The following ZDHHC15 variants were observed in gnomAD, a reference collection of about 807,000 sequenced individuals.
ZDHHC15 encodes palmitoyltransferase ZDHHC15.
Under a neutral mutation model 31.7 loss-of-function variants are expected in ZDHHC15, and 19 were observed. The observed-to-expected ratio is 0.60, with a 90% CI of 0.42 to 0.88. The LOEUF (loss-of-function observed/expected upper bound fraction) is 0.88. Ranked by LOEUF, ZDHHC15 falls within the 40% of genes least tolerant of loss-of-function variation. The pLI, the probability that ZDHHC15 is intolerant of heterozygous loss-of-function variation, is 0.00. For missense variants in ZDHHC15, 209 were observed against 251.2 expected, an observed-to-expected ratio of 0.83 and a Z score of 1.14; for synonymous variants, 103 against 90.0, an observed-to-expected ratio of 1.14 and a Z score of -0.82.
chrX:75,462,940 C>CA (rs1387635435), intron 3 of ZDHHC15, among the ~76,000 whole-genome samples: 2 of 110,379 alleles, frequency 1.8e-5, no homozygotes, highest in Non-Finnish European at 3.8e-5. Flanking sequence ...CTGAAGGAGA[C>CA]AGAGACATGA....
intron 2 of ZDHHC15, among the ~76,000 whole-genome samples, chrX:75,489,479 A>G (rs1172375467): frequency 8.9e-6 from 1 of 112,132 alleles, no homozygotes; most frequent in African/African-American, 3.2e-5. Flanking sequence ...CCAGGCAAAC[A>G]GGGTCTAGAG....
chrX:75,405,841 C>T (rs1159208328), intron 10 of ZDHHC15, among the ~76,000 whole-genome samples: 1 of 112,009 alleles, frequency 8.9e-6, no homozygotes. Flanking sequence ...TGGAACATTT[C>T]ACACAATTGC....
chrX:75,460,314 G>C lies in ZDHHC15; in HGVS notation c.259-9392C>G, dbSNP rs763511425. Reference sequence around the variant, plus strand: ...TGGGATGGAGCTTCCAGGGGGAGGGGTGGCTGTTATCTCTGTGGTGCAGTT... The same window carrying C: ...TGGGATGGAGCTTCCAGGGGGAGGGCTGGCTGTTATCTCTGTGGTGCAGTT... On this transcript the variant is annotated intron_variant, in intron 3 of 11. Transcript: ENST00000373367. Among the ~76,000 whole-genome samples the C allele has an allele frequency of 2.9e-3, 323 of 111,530 alleles. 1 individual carries two copies. Among genetic ancestry groups the C allele is most frequent in the African/African-American group, 9.6e-3 (295 of 30,719 alleles).
At chrX:75,468,770 G>A (rs2084454392) in intron 3 of ZDHHC15, among the ~76,000 whole-genome samples, 1 of 111,740 alleles carries the variant, frequency 8.9e-6, no homozygotes, top group Admixed American at 9.5e-5. Flanking sequence ...GGCTATCCTA[G>A]TAGGTATCTA....
intron 1 of ZDHHC15, among the ~76,000 whole-genome samples, chrX:75,509,856 G>C (rs1204434610): frequency 8.9e-6 from 1 of 112,325 alleles, no homozygotes; most frequent in African/African-American, 3.2e-5. Flanking sequence ...TTTACAATAA[G>C]TTTAGGACAA....
At chrX:75,456,054 G>A (rs1285955704) in intron 3 of ZDHHC15, among the ~76,000 whole-genome samples, 1 of 111,618 alleles carries the variant, frequency 9.0e-6, no homozygotes. Context: ...ACACACACAT[G>A]TATGTTTATT....
At chrX:75,452,658 T>A (rs2084143553) in intron 3 of ZDHHC15, among the ~76,000 whole-genome samples, 1 of 111,614 alleles carries the variant, frequency 9.0e-6, no homozygotes, top group Non-Finnish European at 1.9e-5. Flanking sequence ...TCCTCAAATG[T>A]AAAAGAACAG....
At chrX:75,377,105 T>G (rs2083068250) in intron 11 of ZDHHC15, among the ~76,000 whole-genome samples, 1 of 111,945 alleles carries the variant, frequency 8.9e-6, no homozygotes, top group Admixed American at 9.5e-5. Flanking sequence ...CAAATATCAC[T>G]GTAGTAATTA....
chrX:75,482,898 G>A (rs1372470256), intron 2 of ZDHHC15, among the ~76,000 whole-genome samples: 1 of 108,895 alleles, frequency 9.2e-6, no homozygotes, highest in African/African-American at 3.3e-5. Context: ...TTTGAACTCT[G>A]GATTTGCCCT....
chrX:75,454,208 A>G (rs188576115), intron 3 of ZDHHC15, among the ~76,000 whole-genome samples: 99 of 112,079 alleles, frequency 8.8e-4, no homozygotes, highest in African/African-American at 3.2e-3. Flanking sequence ...ATACAAAATC[A>G]ATGTGCAAAA....
At chrX:75,403,417 A>G (rs2083377956) in intron 10 of ZDHHC15, among the ~76,000 whole-genome samples, 1 of 112,035 alleles carries the variant, frequency 8.9e-6, no homozygotes, top group South Asian at 3.7e-4. Context: ...TGGCATCCAA[A>G]TAGGAAGAGA....
chrX:75,489,462 C>T (rs973330917), intron 2 of ZDHHC15, among the ~76,000 whole-genome samples: 2 of 112,009 alleles, frequency 1.8e-5, no homozygotes, highest in African/African-American at 3.2e-5. Context: ...GCCTCCACTG[C>T]TGATACCCAG....
At chrX:75,439,012 C>A (rs1223152442) in intron 4 of ZDHHC15, among the ~76,000 whole-genome samples, 2 of 111,576 alleles carry the variant, frequency 1.8e-5, no homozygotes, top group Non-Finnish European at 3.8e-5. Flanking sequence ...AGGGTTTCTG[C>A]TGACAAATCT....
chrX:75,439,134 C>T (rs990389285), intron 4 of ZDHHC15, among the ~76,000 whole-genome samples: 2 of 111,330 alleles, frequency 1.8e-5, no homozygotes, highest in Non-Finnish European at 3.8e-5. Flanking sequence ...TGTGTGCCTA[C>T]CTGATGATTT....
In ZDHHC15 at chrX:75,380,312, G is replaced by A. The variant is rs189901372; in HGVS notation, c.968-1114C>T. The stretch of plus-strand genomic sequence containing the variant: ...TTCTGAAAGTGCAATAAATTTCCTT[G>A]CCTTGCTGTTCCAAAGAAGTGATGC... On this transcript the variant is annotated intron_variant, in intron 10 of 11. Coordinates refer to ENST00000373367, the MANE Select transcript of ZDHHC15 (RefSeq NM_144969.3). Among the ~76,000 whole-genome samples the A allele has an allele frequency of 6.2e-5, 7 of 112,143 alleles. No homozygotes were observed. The East Asian group carries it at 1.7e-3, about 27-fold the overall frequency.
chrX:75,490,977 C>T (rs1569358826), intron 2 of ZDHHC15, among the ~76,000 whole-genome samples: 1 of 111,682 alleles, frequency 9.0e-6, no homozygotes, highest in Non-Finnish European at 1.9e-5. Context: ...CAGGAAACAA[C>T]AGGTACTGGA....
chrX:75,519,210 C>T (rs1215193789), intron 1 of ZDHHC15, among the ~76,000 whole-genome samples: 1 of 111,197 alleles, frequency 9.0e-6, no homozygotes, highest in Non-Finnish European at 1.9e-5. Context: ...ATATAAATTT[C>T]ACCCCAATAA....
intron 3 of ZDHHC15, among the ~76,000 whole-genome samples, chrX:75,454,851 C>T (rs1158992035): frequency 1.3e-4 from 14 of 111,456 alleles, no homozygotes; most frequent in African/African-American, 4.6e-4. Context: ...CAAACCACTG[C>T]TCAATTAAAT....
At chrX:75,413,782 A>G (rs1336131261) in intron 10 of ZDHHC15, among the ~76,000 whole-genome samples, 1 of 111,439 alleles carries the variant, frequency 9.0e-6, no homozygotes, top group Non-Finnish European at 1.9e-5. Flanking sequence ...CAGCTGTACA[A>G]GAAATATTAA....
Sources: gnomAD v4.1 joint callset for allele counts (sites outside exome capture counted in the v4.1 genomes callset) on GRCh38, gnomAD v4.1.1 for gene constraint, MANE v1.5 for transcripts, NCBI Gene and HGNC (gene_info 2026-07-23, HGNC 2026-07-21) for gene names.